The following TAFA1 variants were observed in gnomAD, a reference collection of about 807,000 sequenced individuals.
TAFA1 encodes chemokine-like protein TAFA-1.
Under a neutral mutation model 18.5 loss-of-function variants are expected in TAFA1, and 4 were observed. The ratio of observed to expected loss-of-function variants is 0.22; its 90% CI spans 0.11 to 0.49. The LOEUF (loss-of-function observed/expected upper bound fraction) is 0.49, where lower values mean the gene tolerates loss of function less well. Among genes scored for constraint, TAFA1 ranks in the 20% least tolerant of loss-of-function variants. The pLI is 0.98. For synonymous variants in TAFA1, 56 were observed against 55.2 expected, an observed-to-expected ratio of 1.01 and a Z score of -0.06; for missense variants, 147 against 169.0, an observed-to-expected ratio of 0.87 and a Z score of 0.72.
intron 2 of TAFA1, among the ~76,000 whole-genome samples, chr3:68,081,061 T>C (rs1004205898): frequency 4.6e-5 from 7 of 152,200 alleles, no homozygotes; most frequent in African/African-American, 1.7e-4. Context: ...ATTTCATTCA[T>C]TTCATCTTCC....
intron 2 of TAFA1, among the ~76,000 whole-genome samples, chr3:68,114,129 A>G (rs1338363737): frequency 6.6e-6 from 1 of 151,848 alleles, no homozygotes; most frequent in Non-Finnish European, 1.5e-5. Flanking sequence ...GGTCTGGTAC[A>G]GATCTCTCCG....
At chr3:68,094,863 A>C (rs991089087) in intron 2 of TAFA1, among the ~76,000 whole-genome samples, 1 of 152,154 alleles carries the variant, frequency 6.6e-6, no homozygotes, top group African/African-American at 2.4e-5. Flanking sequence ...AGAAGGGAGA[A>C]AAAAGAAATT....
intron 2 of TAFA1, among the ~76,000 whole-genome samples, chr3:68,302,606 T>C (rs1051301987): frequency 7.2e-5 from 11 of 151,942 alleles, no homozygotes; most frequent in East Asian, 1.9e-4. Flanking sequence ...GAGAATGGAG[T>C]ACTTGTCTTT....
At chr3:68,497,622 G>C (rs2072570411) in intron 3 of TAFA1, among the ~76,000 whole-genome samples, 1 of 152,158 alleles carries the variant, frequency 6.6e-6, no homozygotes, top group Non-Finnish European at 1.5e-5. Context: ...AACAAAAGTA[G>C]ACAGAGTGTG....
At chr3:68,208,242 G>A (rs1575680304) in intron 2 of TAFA1, among the ~76,000 whole-genome samples, 1 of 151,882 alleles carries the variant, frequency 6.6e-6, no homozygotes, top group Non-Finnish European at 1.5e-5. Context: ...ATAACATGCA[G>A]CATCAGCAGA....
intron 3 of TAFA1, among the ~76,000 whole-genome samples, chr3:68,513,519 C>CT (rs1303528795): frequency 6.6e-6 from 1 of 152,044 alleles, no homozygotes; most frequent in African/African-American, 2.4e-5. Context: ...ATAGTGTTAG[C>CT]TTTTTTAGCA....
intron 2 of TAFA1, among the ~76,000 whole-genome samples, chr3:68,314,725 A>G (rs1310255576): frequency 6.6e-6 from 1 of 152,042 alleles, no homozygotes; most frequent in Non-Finnish European, 1.5e-5. Flanking sequence ...TTACATGTAT[A>G]ACCTGTGGTG....
rs111568219 is a variant in TAFA1, at chr3:68,215,833, C to T, written c.119-201447C>T. ...CTATTTACCCAACTGATTTGAAAGC[C>T]TATGTCCACACAATAACCCTCACAC... On this transcript the variant is annotated intron_variant, in intron 2 of 4. Coordinates refer to ENST00000478136, the MANE Select transcript of TAFA1 (RefSeq NM_213609.4). Among the ~76,000 whole-genome samples, 647 of 152,090 alleles carry T rather than the reference C, an allele frequency of 4.3e-3. 2 individuals carry two copies. Among genetic ancestry groups the T allele is most frequent in the African/African-American group, 0.015 (622 of 41,532 alleles).
intron 2 of TAFA1, among the ~76,000 whole-genome samples, chr3:68,246,598 A>AAAATAAAAAAAAAT (rs2067084610): frequency 1.5e-5 from 1 of 68,646 alleles, no homozygotes; most frequent in African/African-American, 6.4e-5. Context: ...TCAAAAAAAA[A>AAAATAAAAAAAAAT]AAAAAAAAAA....
intron 2 of TAFA1, among the ~76,000 whole-genome samples, chr3:68,287,470 G>T (rs1027626962): frequency 6.8e-6 from 1 of 146,220 alleles, no homozygotes. Context: ...ACCGTAAGGG[G>T]CAATGAGATT....
intron 2 of TAFA1, among the ~76,000 whole-genome samples, chr3:68,375,748 A>G (rs963688197): frequency 3.3e-5 from 5 of 152,204 alleles, no homozygotes; most frequent in African/African-American, 4.8e-5. Flanking sequence ...CATAGTTTAC[A>G]TACACAAGTG....
At chr3:68,413,463 T>C (rs2106785787) in intron 2 of TAFA1, among the ~76,000 whole-genome samples, 1 of 152,328 alleles carries the variant, frequency 6.6e-6, no homozygotes, top group East Asian at 1.9e-4. Context: ...ATATTATTAC[T>C]ATTACCATTG....
chr3:68,457,085 G>C (rs1045277914), intron 3 of TAFA1, among the ~76,000 whole-genome samples: 2 of 152,220 alleles, frequency 1.3e-5, no homozygotes, highest in Non-Finnish European at 2.9e-5. Context: ...GAGATAATTA[G>C]AGTCACATGG....
intron 2 of TAFA1, among the ~76,000 whole-genome samples, chr3:68,186,771 T>A (rs115212639): frequency 1.3e-5 from 2 of 152,078 alleles, no homozygotes; most frequent in Non-Finnish European, 2.9e-5. Flanking sequence ...CCTGGCTCTT[T>A]AGTAAGTGCT....
chr3:68,531,669 C>G (rs1271563929), intron 3 of TAFA1, among the ~76,000 whole-genome samples: 1 of 152,130 alleles, frequency 6.6e-6, no homozygotes, highest in African/African-American at 2.4e-5. Flanking sequence ...CTCCTGAGAT[C>G]TTATGGGGAA....
At chr3:68,161,756 C>G (rs2065927491) in intron 2 of TAFA1, among the ~76,000 whole-genome samples, 1 of 152,132 alleles carries the variant, frequency 6.6e-6, no homozygotes, top group African/African-American at 2.4e-5. Flanking sequence ...TATTTTTCCT[C>G]AAGCTGGGCC....
chr3:68,223,107 T>C (rs1176690506), intron 2 of TAFA1, among the ~76,000 whole-genome samples: 1 of 152,176 alleles, frequency 6.6e-6, no homozygotes, highest in African/African-American at 2.4e-5. Context: ...AGAGCCAAGT[T>C]TGGTGACTTA....
the TAFA1 span, among the ~76,000 whole-genome samples, chr3:67,993,308 C>T: frequency 2.0e-5 from 3 of 152,310 alleles, no homozygotes; most frequent in East Asian, 3.9e-4. Flanking sequence ...GAAGGAGACT[C>T]TTAAGTTTCT....
At chr3:68,465,330 G>A (rs1393602340) in intron 3 of TAFA1, among the ~76,000 whole-genome samples, 2 of 152,154 alleles carry the variant, frequency 1.3e-5, no homozygotes, top group African/African-American at 4.8e-5. Flanking sequence ...AAGACAGGAA[G>A]AATCTGAGTC....
Sources: gnomAD v4.1 joint callset for allele counts (sites outside exome capture counted in the v4.1 genomes callset) on GRCh38, gnomAD v4.1.1 for gene constraint, MANE v1.5 for transcripts, NCBI Gene and HGNC (gene_info 2026-07-23, HGNC 2026-07-21) for gene names.